Variants in DMD observed in about 807,000 individuals in gnomAD.
DMD encodes dystrophin.
A neutral mutation model predicts 330.1 loss-of-function variants in DMD; 63 were observed. That is an observed-to-expected ratio of 0.19 (90% CI 0.16 to 0.24). The LOEUF is 0.24. Among genes scored for constraint, DMD ranks in the 10% least tolerant of loss-of-function variants. DMD has a pLI of 1.00. For missense variants in DMD, 3,344 were observed against 2,684.1 expected, an observed-to-expected ratio of 1.25 and a Z score of -5.43; for synonymous variants, 1,223 against 959.8, an observed-to-expected ratio of 1.27 and a Z score of -5.07.
In DMD at chrX:31,628,541, T is replaced by C. The variant is rs577767666; in HGVS notation, c.8028-679A>G. On this transcript the variant is annotated intron_variant, in intron 54 of 78. Coordinates refer to ENST00000357033, the MANE Select transcript of DMD (RefSeq NM_004006.3). ...AGTTATAATTATTGTGTTAGTTTCA[T>C]ATTTAACTACTTGATCATACAACTG... Among the ~76,000 whole-genome samples the C allele has an allele frequency of 1.4e-4, 16 of 111,687 alleles. No individual in the cohort carries two copies. The East Asian group carries it at 3.7e-3, about 26-fold the overall frequency.
intron 44 of DMD, among the ~76,000 whole-genome samples, chrX:32,045,613 A>G (rs529227857): frequency 1.8e-5 from 2 of 111,012 alleles, no homozygotes; most frequent in Admixed American, 1.9e-4. Context: ...TCTGTCCTTG[A>G]TACTCTTGTT....
At chrX:32,647,462 T>C (rs184949073) in intron 9 of DMD, among the ~76,000 whole-genome samples, 2 of 111,605 alleles carry the variant, frequency 1.8e-5, no homozygotes, top group African/African-American at 6.5e-5. Flanking sequence ...CTGCTTCAAA[T>C]GCAGCAAGAA....
At chrX:31,847,021 G>A (rs996069542) in intron 48 of DMD, among the ~76,000 whole-genome samples, 1 of 111,737 alleles carries the variant, frequency 8.9e-6, no homozygotes, top group African/African-American at 3.2e-5. Flanking sequence ...CAGGTGGCAT[G>A]CCAAATGAAA....
In DMD at chrX:32,555,543, C is replaced by T. The variant is rs1048319901; in HGVS notation, c.1992+10159G>A. Among the ~76,000 whole-genome samples, 31 of 111,314 alleles carry T rather than the reference C, an allele frequency of 2.8e-4. 1 individual carries two copies. The highest frequency in any genetic ancestry group is 2.7e-3 in the Admixed American group (28 of 10,448). ...ACATGAACCTATATCCAGAAAACCCCCATTGTCTCAGCCCAAAAGCTAAGA... is the reference window on the plus strand; with the variant it reads ...ACATGAACCTATATCCAGAAAACCCTCATTGTCTCAGCCCAAAAGCTAAGA... On this transcript the variant is annotated intron_variant, in intron 16 of 78. Transcript: ENST00000357033.
At chrX:32,128,533 C>T (rs774176548) in intron 44 of DMD, among the ~76,000 whole-genome samples, 2 of 111,958 alleles carry the variant, frequency 1.8e-5, no homozygotes, top group South Asian at 3.7e-4. Context: ...ATGCAAAGTA[C>T]CAATTCCCTA....
rs764714457 is a variant in DMD at position 32,545,199 on chromosome X, T to C, written c.2128A>G (p.Lys710Glu). The C allele has an allele frequency of 8.3e-7, 1 of 1,210,451 alleles. No individual in the cohort carries two copies. The highest frequency in any genetic ancestry group is 1.1e-6 in the Non-Finnish European group (1 of 894,655). ...GAATCCACAGTAATCTGCCTCTTCT[T>C]TTGGGGAGGTGGTGGTGGAAGTTCC... ...QEELPPPPPQ[K>E]KRQITVDSEI... The change falls in exon 17 of 79, where the codon AAG becomes GAG. Residue 710 changes from lysine to glutamate, a missense_variant. Transcript: ENST00000357033.
intron 57 of DMD, among the ~76,000 whole-genome samples, chrX:31,485,683 T>C (rs2068742705): frequency 9.0e-6 from 1 of 111,684 alleles, no homozygotes; most frequent in Non-Finnish European, 1.9e-5. Context: ...AGAAAAGCTA[T>C]CTTGCTTTCT....
chrX:31,986,957 C>T (rs1226588459), intron 44 of DMD, among the ~76,000 whole-genome samples: 1 of 111,522 alleles, frequency 9.0e-6, no homozygotes, highest in Admixed American at 9.4e-5. Flanking sequence ...CCTATATGCA[C>T]GTGTGTGAAG....
At chrX:32,951,920 C>A (rs768576381) in intron 2 of DMD, among the ~76,000 whole-genome samples, 3 of 110,924 alleles carry the variant, frequency 2.7e-5, no homozygotes, top group Non-Finnish European at 5.7e-5. Flanking sequence ...GCCTCTTGTG[C>A]TTTTATATTT....
intron 44 of DMD, among the ~76,000 whole-genome samples, chrX:32,164,159 C>T (rs1483334820): frequency 1.8e-5 from 2 of 111,017 alleles, no homozygotes; most frequent in African/African-American, 3.3e-5. Context: ...ATCGCTTGAG[C>T]GCAGGAGTTA....
intron 49 of DMD, among the ~76,000 whole-genome samples, chrX:31,821,270 C>T (rs953897721): frequency 8.9e-6 from 1 of 112,434 alleles, no homozygotes; most frequent in African/African-American, 3.2e-5. Flanking sequence ...ATGGTAGCCC[C>T]GGAGTTCTGG....
chrX:33,043,731 C>T (rs932264574), intron 1 of DMD, among the ~76,000 whole-genome samples: 4 of 110,855 alleles, frequency 3.6e-5, no homozygotes, highest in Non-Finnish European at 7.5e-5. Flanking sequence ...ATGTGCACAA[C>T]GTGCAGGTTT....
At position 32,545,072 on chromosome X, in the gene DMD, T is replaced by C. The variant is rs963662789; in HGVS notation, c.2168+87A>G. ...CAGGTACCCGAGGATTCTGGAAATA[T>C]TGCTGAAGTGAAAACACCACCAACA... On this transcript the variant is annotated intron_variant, in intron 17 of 78. Transcript: ENST00000357033. 5.4e-6 allele frequency: 5 copies of C among 927,543 alleles called. No homozygotes were observed. In the Admixed American group the frequency reaches 9.4e-5, roughly 17 times the overall value. The allele number at this position is 927,543 out of a possible 1,213,427, so 76.4% of individuals were successfully genotyped here.
chrX:31,594,920 G>A (rs2077045372), intron 55 of DMD, among the ~76,000 whole-genome samples: 1 of 111,304 alleles, frequency 9.0e-6, no homozygotes, highest in Non-Finnish European at 1.9e-5. Context: ...TTTTTGCACG[G>A]TGGAAGAGTT....
chrX:32,534,558 C>T (rs1475911304), intron 17 of DMD, among the ~76,000 whole-genome samples: 1 of 111,272 alleles, frequency 9.0e-6, no homozygotes, highest in Non-Finnish European at 1.9e-5. Context: ...CTACAGCTTG[C>T]AGAACCGTGA....
At chrX:31,178,829 T>A in intron 69 of DMD, 24 bp from the exon 70 acceptor site, 4 of 1,207,449 alleles carry the variant, frequency 3.3e-6, no homozygotes, top group Non-Finnish European at 4.5e-6. Flanking sequence ...CATGGTGAGA[T>A]CAGATTTAGG....
chrX:31,915,035 T>TA (rs952513098), intron 47 of DMD, among the ~76,000 whole-genome samples: 2 of 112,134 alleles, frequency 1.8e-5, no homozygotes, highest in African/African-American at 3.2e-5. Flanking sequence ...CACAAAAATT[T>TA]AAAAAAATTT....
chrX:32,196,782 G>A (rs1316458272), intron 44 of DMD, among the ~76,000 whole-genome samples: 14 of 109,637 alleles, frequency 1.3e-4, no homozygotes, highest in Non-Finnish European at 1.7e-4. Context: ...TCAGGAGATC[G>A]AGACCATCCT....
intron 2 of DMD, among the ~76,000 whole-genome samples, chrX:32,885,656 T>G (rs1334414248): frequency 9.0e-6 from 1 of 110,895 alleles, no homozygotes; most frequent in Non-Finnish European, 1.9e-5. Context: ...TGTTGTTAAA[T>G]AAAGAAACTT....
Sources: gnomAD v4.1 joint callset for allele counts (sites outside exome capture counted in the v4.1 genomes callset) on GRCh38, gnomAD v4.1.1 for gene constraint, MANE v1.5 for transcripts, NCBI Gene and HGNC (gene_info 2026-07-23, HGNC 2026-07-21) for gene names.